MINDY4: variants seen among roughly 807,000 people sequenced by gnomAD.
MINDY4 encodes MINDY lysine 48 deubiquitinase 4.
Under a neutral mutation model 87.0 loss-of-function variants are expected in MINDY4, and 68 were observed. The ratio of observed to expected loss-of-function variants is 0.78; its 90% CI spans 0.64 to 0.96. The LOEUF is 0.96. Among genes scored for constraint, MINDY4 ranks in the 40% least tolerant of loss-of-function variants. MINDY4 has a pLI of 0.00. For missense variants in MINDY4, 919 were observed against 928.2 expected (o/e 0.99, Z 0.13); for synonymous variants, 379 against 363.2 (o/e 1.04, Z -0.50).
At chr7:30,794,401 G>A (rs766988085) in intron 5 of MINDY4, among the ~76,000 whole-genome samples, 6 of 152,142 alleles carry the variant, frequency 3.9e-5, no homozygotes, top group South Asian at 2.1e-4. Context: ...CAGCTCCACC[G>A]CTCTGTCCTA....
At chr7:30,877,190 C>T (rs1416302721) in intron 15 of MINDY4, among the ~76,000 whole-genome samples, 1 of 152,166 alleles carries the variant, frequency 6.6e-6, no homozygotes, top group Non-Finnish European at 1.5e-5. Flanking sequence ...CCTGGGTGTG[C>T]TCTGAAAGTA....
At chr7:30,889,247 A>G (rs1790722610) in intron 17 of MINDY4, among the ~76,000 whole-genome samples, 1 of 152,232 alleles carries the variant, frequency 6.6e-6, no homozygotes, top group East Asian at 1.9e-4. Context: ...ACAGAACAAG[A>G]AAATTGAAAA....
chr7:30,891,261 A>G (rs1348370442), intron 17 of MINDY4, among the ~76,000 whole-genome samples: 1 of 152,230 alleles, frequency 6.6e-6, no homozygotes, highest in Non-Finnish European at 1.5e-5. Flanking sequence ...GAGTGTTTTT[A>G]GAAAATTAGC....
At chr7:30,833,905 G>T (rs978671391) in intron 6 of MINDY4, among the ~76,000 whole-genome samples, 4 of 152,242 alleles carry the variant, frequency 2.6e-5, no homozygotes, top group Non-Finnish European at 4.4e-5. Context: ...CTCACATCTA[G>T]GTCATGCTGA....
chr7:30,843,208 A>T (rs562450449), intron 9 of MINDY4, among the ~76,000 whole-genome samples: 2 of 152,240 alleles, frequency 1.3e-5, no homozygotes, highest in African/African-American at 2.4e-5. Flanking sequence ...AGTTATCCAA[A>T]CAGGGAGGGG....
At chr7:30,779,136 A>T (rs772439516) in intron 2 of MINDY4, among the ~76,000 whole-genome samples, 4 of 152,108 alleles carry the variant, frequency 2.6e-5, no homozygotes, top group Non-Finnish European at 5.9e-5. Flanking sequence ...ATAGGCTTTC[A>T]TGGCACCCTC....
intron 4 of MINDY4, chr7:30,786,430 T>G (rs1213172419): frequency 6.1e-6 from 1 of 163,164 alleles, no homozygotes; most frequent in Non-Finnish European, 1.3e-5. Context: ...CTGGGCAACA[T>G]AAGGAGACAC....
chr7:30,879,732 C>T (rs960502794), intron 15 of MINDY4, among the ~76,000 whole-genome samples: 3 of 152,240 alleles, frequency 2.0e-5, no homozygotes, highest in Non-Finnish European at 2.9e-5. Flanking sequence ...GGGTCCTTCT[C>T]ATTGTCCCCT....
intron 4 of MINDY4, among the ~76,000 whole-genome samples, chr7:30,788,732 A>G (rs991228508): frequency 2.0e-5 from 3 of 152,146 alleles, no homozygotes; most frequent in Non-Finnish European, 4.4e-5. Flanking sequence ...GGTTCCATGA[A>G]AAAACCAGCA....
chr7:30,880,618 TC>T (rs1161642475), intron 15 of MINDY4, among the ~76,000 whole-genome samples: 4 of 152,152 alleles, frequency 2.6e-5, no homozygotes, highest in Non-Finnish European at 4.4e-5. Flanking sequence ...GGTTCCCTGT[TC>T]CTGGCGATGC....
At chr7:30,853,605 G>A in intron 12 of MINDY4, 146 bp downstream of exon 12, 1 of 733,444 alleles carries the variant, frequency 1.4e-6, no homozygotes, top group Non-Finnish European at 2.4e-6. Context: ...GCTGGCCCCT[G>A]GTTGGGGGCT....
At chr7:30,845,214 G>A (rs1377310746) in intron 9 of MINDY4, among the ~76,000 whole-genome samples, 1 of 152,258 alleles carries the variant, frequency 6.6e-6, no homozygotes, top group African/African-American at 2.4e-5. Flanking sequence ...GTTCATGAAC[G>A]GCTTCACGGT....
chr7:30,819,987 C>T (rs1046512262), intron 5 of MINDY4, among the ~76,000 whole-genome samples: 5 of 146,998 alleles, frequency 3.4e-5, no homozygotes, highest in South Asian at 2.2e-4. Flanking sequence ...CTGCAAGCTC[C>T]GCCTCCTGGG....
intron 17 of MINDY4, among the ~76,000 whole-genome samples, chr7:30,891,684 G>A (rs1562569651): frequency 2.6e-5 from 4 of 152,202 alleles, no homozygotes; most frequent in Non-Finnish European, 2.9e-5. Flanking sequence ...GGGCCCAGCA[G>A]TGCCAGGCGC....
At chr7:30,814,846 A>G (rs1267797365) in intron 5 of MINDY4, among the ~76,000 whole-genome samples, 1 of 152,248 alleles carries the variant, frequency 6.6e-6, no homozygotes, top group East Asian at 1.9e-4. Context: ...TATGAGGTCA[A>G]CCTTGGACCC....
chr7:30,868,666 C>G (rs889893641), intron 13 of MINDY4, among the ~76,000 whole-genome samples: 1 of 152,238 alleles, frequency 6.6e-6, no homozygotes, highest in Non-Finnish European at 1.5e-5. Flanking sequence ...TCTCCCAGCC[C>G]TGATATCCCC....
intron 11 of MINDY4, among the ~76,000 whole-genome samples, chr7:30,853,158 C>G (rs1789463486): frequency 6.6e-6 from 1 of 152,238 alleles, no homozygotes; most frequent in Non-Finnish European, 1.5e-5. Flanking sequence ...GTCTCAGGCC[C>G]AGAGCTGCCG....
chr7:30,787,866 G>C (rs1787200523), intron 4 of MINDY4, among the ~76,000 whole-genome samples: 1 of 152,158 alleles, frequency 6.6e-6, no homozygotes, highest in Non-Finnish European at 1.5e-5. Context: ...GGAGTGCAAA[G>C]AGCTTTTGTT....
In MINDY4 at chr7:30,798,060, T is replaced by C. The variant is rs181658235; in HGVS notation, c.1073+6486T>C. 2.0e-4 allele frequency among the ~76,000 whole-genome samples: 30 copies of C among 152,070 alleles called. No individual in the cohort carries two copies. The East Asian group carries it at 5.4e-3, about 27-fold the overall frequency. On this transcript the variant is annotated intron_variant, in intron 5 of 17. Transcript: ENST00000265299. ...CTGCTGAAGTGGAAACATCATAGAG[T>C]GTACTTACACTGACCTGGATGGTGC...
Sources: allele counts gnomAD v4.1 joint callset (sites outside exome capture counted in the v4.1 genomes callset), GRCh38; gene constraint gnomAD v4.1.1; transcripts MANE v1.5; gene names NCBI Gene and HGNC (gene_info 2026-07-23, HGNC 2026-07-21).